Variants in KCNH8 observed in about 807,000 individuals in gnomAD.
KCNH8 encodes the protein potassium voltage-gated channel subfamily H member 8.
Under a neutral mutation model 103.6 loss-of-function variants are expected in KCNH8, and 70 were observed. The observed-to-expected ratio is 0.68, with a 90% confidence interval of 0.56 to 0.82. The LOEUF (loss-of-function observed/expected upper bound fraction) is 0.82, where lower values mean the gene tolerates loss of function less well. Among genes scored for constraint, KCNH8 ranks in the 40% least tolerant of loss-of-function variants. KCNH8 has a pLI of 0.00. For missense variants in KCNH8, 1,217 were observed against 1,329.9 expected (o/e 0.92, Z 1.32); for synonymous variants, 498 against 489.4 (o/e 1.02, Z -0.23).
chr3:19,303,289 G>A (rs1402098477), intron 3 of KCNH8, among the ~76,000 whole-genome samples: 1 of 151,986 alleles, frequency 6.6e-6, no homozygotes, highest in Non-Finnish European at 1.5e-5. Context: ...ACAACCATGA[G>A]GAAATTTTTA....
chr3:19,334,427 A>T (rs2065554489), intron 3 of KCNH8, among the ~76,000 whole-genome samples: 1 of 152,206 alleles, frequency 6.6e-6, no homozygotes, highest in South Asian at 2.1e-4. Context: ...TGGGCCATAC[A>T]GCAAAACCTC....
chr3:19,241,434 TAC>T (rs2125245064), intron 1 of KCNH8, among the ~76,000 whole-genome samples: 1 of 152,292 alleles, frequency 6.6e-6, no homozygotes, highest in South Asian at 2.1e-4. Context: ...AATTCTAAGA[TAC>T]CTCATGTGTA....
intron 4 of KCNH8, among the ~76,000 whole-genome samples, chr3:19,346,392 G>C (rs1313191940): frequency 6.6e-6 from 1 of 152,052 alleles, no homozygotes; most frequent in Non-Finnish European, 1.5e-5. Context: ...AAACATAGAT[G>C]CAGTGGCAAA....
At chr3:19,409,541 C>G (rs1298311511) in intron 7 of KCNH8, among the ~76,000 whole-genome samples, 1 of 152,074 alleles carries the variant, frequency 6.6e-6, no homozygotes, top group Non-Finnish European at 1.5e-5. Context: ...GGTAAATGGT[C>G]TAAATGATCC....
At chr3:19,282,429 C>A (rs2064769915) in intron 3 of KCNH8, among the ~76,000 whole-genome samples, 1 of 152,050 alleles carries the variant, frequency 6.6e-6, no homozygotes, top group Non-Finnish European at 1.5e-5. Flanking sequence ...ATAGTTTTTG[C>A]TTTTAATATT....
At chr3:19,324,267 C>T (rs1328927240) in intron 3 of KCNH8, among the ~76,000 whole-genome samples, 1 of 152,112 alleles carries the variant, frequency 6.6e-6, no homozygotes, top group Non-Finnish European at 1.5e-5. Context: ...TTAATTGACT[C>T]ACAGTTCCAC....
At chr3:19,466,918 C>T (rs2125197773) in intron 11 of KCNH8, among the ~76,000 whole-genome samples, 1 of 152,160 alleles carries the variant, frequency 6.6e-6, no homozygotes, top group Non-Finnish European at 1.5e-5. Context: ...GCCTCAGCTT[C>T]CCAAAGTACT....
At chr3:19,272,286 T>C (rs1055346810) in intron 2 of KCNH8, among the ~76,000 whole-genome samples, 2 of 151,988 alleles carry the variant, frequency 1.3e-5, no homozygotes, top group East Asian at 3.9e-4. Flanking sequence ...TGAGGTACAA[T>C]GACAAGAAGA....
At chr3:19,351,102 A>T (rs1256827058) in intron 5 of KCNH8, among the ~76,000 whole-genome samples, 4 of 152,128 alleles carry the variant, frequency 2.6e-5, no homozygotes, top group African/African-American at 7.2e-5. Context: ...AAGCTTCAGT[A>T]GCCAATTCGA....
intron 2 of KCNH8, among the ~76,000 whole-genome samples, chr3:19,261,047 T>A (rs1411335584): frequency 6.7e-6 from 1 of 150,278 alleles, no homozygotes; most frequent in Non-Finnish European, 1.5e-5. Flanking sequence ...GTCCCATATC[T>A]TGGCTGTTGT....
intron 2 of KCNH8, among the ~76,000 whole-genome samples, chr3:19,279,781 G>A (rs951255962): frequency 6.6e-6 from 1 of 152,028 alleles, no homozygotes; most frequent in Non-Finnish European, 1.5e-5. Flanking sequence ...GCTTCACCTG[G>A]TGTTTAACTG....
intron 1 of KCNH8, among the ~76,000 whole-genome samples, chr3:19,245,492 A>T (rs940621660): frequency 6.6e-6 from 1 of 152,196 alleles, no homozygotes; most frequent in South Asian, 2.1e-4. Context: ...TAATTCTGTG[A>T]AGGATGATGT....
chr3:19,269,217 A>G (rs921357380), intron 2 of KCNH8, among the ~76,000 whole-genome samples: 1 of 152,130 alleles, frequency 6.6e-6, no homozygotes, highest in Admixed American at 6.5e-5. Context: ...CCCATTGGCA[A>G]TATAAGCAAG....
At chr3:19,467,263 T>C (rs990315359) in intron 11 of KCNH8, among the ~76,000 whole-genome samples, 1 of 151,712 alleles carries the variant, frequency 6.6e-6, no homozygotes, top group African/African-American at 2.4e-5. Context: ...GGAAATATAG[T>C]GGCCCTTGTC....
chr3:19,404,726 A>ATTTT (rs1420885297), intron 7 of KCNH8, among the ~76,000 whole-genome samples: 2 of 151,926 alleles, frequency 1.3e-5, no homozygotes, highest in Non-Finnish European at 2.9e-5. Flanking sequence ...AATGGGAGCA[A>ATTTT]TGTGATCTAC....
intron 3 of KCNH8, among the ~76,000 whole-genome samples, chr3:19,294,173 GT>G (rs1451740030): frequency 1.1e-4 from 17 of 151,982 alleles, no homozygotes; most frequent in Admixed American, 1.1e-3. Flanking sequence ...TGACTCTTCT[GT>G]TGTTAAGTTT....
At chr3:19,492,139 TTGATAGTTTCTTTTGTTATGCAGAAGCTC>T (rs1178816619) in intron 11 of KCNH8, among the ~76,000 whole-genome samples, 42 of 152,278 alleles carry the variant, frequency 2.8e-4, no homozygotes, top group African/African-American at 9.4e-4. Flanking sequence ...GTTTACTCTC[TTGATAGTTTCTTTTGTTATGCAGAAGCTC>T]TTTAGTTTAA....
intron 5 of KCNH8, among the ~76,000 whole-genome samples, chr3:19,366,270 T>C (rs2066009775): frequency 6.6e-6 from 1 of 152,070 alleles, no homozygotes; most frequent in Non-Finnish European, 1.5e-5. Context: ...TTTCCTTAGG[T>C]TTAATGCCAC....
chr3:19,466,643 C>G (rs2067741642), intron 11 of KCNH8, among the ~76,000 whole-genome samples: 1 of 131,720 alleles, frequency 7.6e-6, no homozygotes, highest in East Asian at 2.3e-4. Flanking sequence ...CATTTTGTAG[C>G]AATACATTTT....
Sources: allele counts gnomAD v4.1 joint callset (sites outside exome capture counted in the v4.1 genomes callset), GRCh38; gene constraint gnomAD v4.1.1; transcripts MANE v1.5; gene names NCBI Gene and HGNC (gene_info 2026-07-23, HGNC 2026-07-21).